The following YTHDC1 variants were observed in gnomAD, a reference collection of about 807,000 sequenced individuals.
YTHDC1 encodes the protein YTH N6-methyladenosine RNA binding protein C1, also known as YTH domain-containing protein 1.
A neutral mutation model predicts 107.0 loss-of-function variants in YTHDC1; 12 were observed. The ratio of observed to expected loss-of-function variants is 0.11; its 90% CI spans 0.07 to 0.18. YTHDC1 has a LOEUF of 0.18. Ranked by LOEUF, YTHDC1 falls within the 10% of genes least tolerant of loss-of-function variation. The pLI, the probability that YTHDC1 is intolerant of heterozygous loss-of-function variation, is 1.00. For synonymous variants in YTHDC1, 280 were observed against 289.5 expected, an observed-to-expected ratio of 0.97 and a Z score of 0.33; for missense variants, 635 against 898.8, an observed-to-expected ratio of 0.71 and a Z score of 3.75.
intron 1 of YTHDC1, 96 bp downstream of exon 1, chr4:68,349,630 A>AGCCCCCCC: frequency 2.3e-4 from 35 of 153,356 alleles, no homozygotes; most frequent in South Asian, 3.6e-4. Flanking sequence ...TAACCTCCCC[A>AGCCCCCCC]ACCCCCACCC....
At chr4:68,325,170 T>C (rs1722853573) in intron 9 of YTHDC1, among the ~76,000 whole-genome samples, 1 of 152,162 alleles carries the variant, frequency 6.6e-6, no homozygotes, top group Non-Finnish European at 1.5e-5. Flanking sequence ...ACGAGAAAGA[T>C]AAGAGTTTGC....
At chr4:68,349,637 A>AAC in intron 1 of YTHDC1, 89 bp downstream of exon 1, 1 of 124,940 alleles carries the variant, frequency 8.0e-6, no homozygotes, top group Non-Finnish European at 1.6e-5. Flanking sequence ...CCCAACCCCC[A>AAC]CCCCCCACCC....
At chr4:68,345,443 T>C (rs573327455) in intron 1 of YTHDC1, among the ~76,000 whole-genome samples, 1 of 152,260 alleles carries the variant, frequency 6.6e-6, no homozygotes, top group African/African-American at 2.4e-5. Context: ...TTAGTGGGAC[T>C]TGGCAATGGA....
intron 16 of YTHDC1, among the ~76,000 whole-genome samples, chr4:68,315,007 T>C (rs1402497456): frequency 6.6e-6 from 1 of 152,160 alleles, no homozygotes; most frequent in African/African-American, 2.4e-5. Flanking sequence ...GTAGAGAATA[T>C]GTATACTAAC....
chr4:68,324,784 AATTT>A (rs1385668490), intron 9 of YTHDC1, among the ~76,000 whole-genome samples: 4 of 152,290 alleles, frequency 2.6e-5, no homozygotes, highest in Admixed American at 1.3e-4. Flanking sequence ...TACAATAGAT[AATTT>A]ATTTATAAAT....
intron 16 of YTHDC1, among the ~76,000 whole-genome samples, chr4:68,314,710 T>C (rs779807750): frequency 1.4e-4 from 22 of 152,246 alleles, no homozygotes; most frequent in Non-Finnish European, 2.6e-4. Flanking sequence ...ATGTCATCAA[T>C]GTTTTTCTGG....
chr4:68,348,101 A>C lies in YTHDC1; in HGVS notation c.28+1625T>G, dbSNP rs954512631. On this transcript the variant is annotated intron_variant, in intron 1 of 16. Transcript: ENST00000344157. ...CACTACTTCCCAGTAATAGCTACACAGTTTATGTATTTGGACTGCATTATC... is the reference window on the plus strand; with the variant it reads ...CACTACTTCCCAGTAATAGCTACACCGTTTATGTATTTGGACTGCATTATC... Among the ~76,000 whole-genome samples, 38 of 152,362 alleles carry C rather than the reference A, an allele frequency of 2.5e-4. 1 individual carries two copies. Among genetic ancestry groups the C allele is most frequent in the Admixed American group, 2.1e-3 (32 of 15,312 alleles).
chr4:68,330,694 C>G (rs376404034), intron 7 of YTHDC1, among the ~76,000 whole-genome samples: 2 of 152,080 alleles, frequency 1.3e-5, no homozygotes, highest in African/African-American at 2.4e-5. Context: ...TCTTGCAAAA[C>G]CGTACCTGAT....
At chr4:68,316,600 T>G in intron 15 of YTHDC1, 152 bp from the exon 16 acceptor site, 1 of 869,900 alleles carries the variant, frequency 1.1e-6, no homozygotes, top group Non-Finnish European at 1.7e-6. Flanking sequence ...AAAATATGCT[T>G]TTTGTCGAAA....
intron 1 of YTHDC1, among the ~76,000 whole-genome samples, chr4:68,339,782 AC>A (rs1041019812): frequency 1.3e-5 from 2 of 152,284 alleles, no homozygotes; most frequent in East Asian, 1.9e-4. Context: ...AATAAAAAAA[AC>A]ATTTAGAGCC....
intron 1 of YTHDC1, among the ~76,000 whole-genome samples, chr4:68,347,116 GAAC>G (rs1238600416): frequency 6.6e-6 from 1 of 152,160 alleles, no homozygotes; most frequent in Non-Finnish European, 1.5e-5. Context: ...AGAACCCAGT[GAAC>G]AAGACAGATG....
intron 4 of YTHDC1, 68 bp downstream of exon 4, chr4:68,336,959 A>C: frequency 6.6e-7 from 1 of 1,511,756 alleles, no homozygotes; most frequent in Non-Finnish European, 8.8e-7. Context: ...TTTATAATTT[A>C]AACATTTTCA....
intron 11 of YTHDC1, among the ~76,000 whole-genome samples, chr4:68,320,425 C>G (rs1163798594): frequency 1.3e-5 from 2 of 152,024 alleles, no homozygotes; most frequent in Non-Finnish European, 2.9e-5. Context: ...ATATTCTCTG[C>G]CAACTCATGC....
chr4:68,333,765 T>TATTA (rs1431893040), intron 4 of YTHDC1, among the ~76,000 whole-genome samples: 2 of 152,140 alleles, frequency 1.3e-5, no homozygotes, highest in African/African-American at 4.8e-5. Flanking sequence ...AACACTGTCT[T>TATTA]AAGTCCTTAT....
chr4:68,333,148 A>C (rs540377728), intron 5 of YTHDC1, among the ~76,000 whole-genome samples, 160 bp downstream of exon 5: 1 of 152,186 alleles, frequency 6.6e-6, no homozygotes, highest in African/African-American at 2.4e-5. Flanking sequence ...GATTAAAATA[A>C]TAAGAAAAAG....
chr4:68,347,910 G>C (rs1725627807), intron 1 of YTHDC1, among the ~76,000 whole-genome samples: 1 of 152,096 alleles, frequency 6.6e-6, no homozygotes, highest in Non-Finnish European at 1.5e-5. Flanking sequence ...CTAGTTCTCC[G>C]TGTAGTCCAG....
chr4:68,314,182 T>C lies in YTHDC1; in HGVS notation c.2101A>G (p.Arg701Gly). 6.2e-7 allele frequency: 1 copy of C among 1,613,732 alleles called. No individual in the cohort carries two copies. The highest frequency in any genetic ancestry group is 8.5e-7 in the Non-Finnish European group (1 of 1,179,808). ...RDNRRDRERD[R>G]GRDRERERER... is the part of the protein sequence containing the mutation. The stretch of plus-strand genomic sequence containing the variant: ...CTTTCTCTTTCTCTATCACGTCCTC[T>C]ATCTCGCTCTCTGTCTCGTCTGTTA... The change falls in exon 17 of 17, where the codon AGA (arginine) becomes GGA (glycine). Residue 701 changes from arginine (R) to glycine (G), a missense_variant. By Grantham distance (125) the Arg-to-Gly change is moderately radical (BLOSUM62 -2). Coordinates refer to ENST00000344157, the MANE Select transcript of YTHDC1 (RefSeq NM_001031732.4).
chr4:68,313,400 G>C lies in YTHDC1; in HGVS notation c.*699C>G, dbSNP rs1472724831. The C allele has an allele frequency of 6.6e-6, 1 of 152,572 alleles. No individual in the cohort carries two copies. The highest frequency in any genetic ancestry group is 1.5e-5 in the Non-Finnish European group (1 of 68,032). 9.5% of individuals were successfully genotyped at this position (152,572 alleles called of 1,614,324 possible). ...GGAATCGTCTTCCGCTGCCACGCAC[G>C]CAAGTTGTGAACATTCCAAGCCAAT... On this transcript the variant is annotated 3_prime_UTR_variant, in exon 17 of 17. Transcript: ENST00000344157.
At position 68,324,059 on chromosome 4, in the gene YTHDC1, T is replaced by C. The variant is rs949120677; in HGVS notation, c.1434+80A>G. The C allele has an allele frequency of 7.6e-6, 10 of 1,310,028 alleles. No individual in the cohort carries two copies. The African/African-American group carries it at 8.9e-5, about 12-fold the overall frequency. 81.2% of individuals were successfully genotyped at this position (1,310,028 alleles called of 1,614,324 possible). Reference sequence around the variant, plus strand: ...ACGTGGTCTCTTTCATCAGAAACGGTTAAAACGAATACATCAATAAAGATC... The same window carrying C: ...ACGTGGTCTCTTTCATCAGAAACGGCTAAAACGAATACATCAATAAAGATC... On this transcript the variant is annotated intron_variant, in intron 10 of 16. Transcript: ENST00000344157.
Sources: allele counts gnomAD v4.1 joint callset (sites outside exome capture counted in the v4.1 genomes callset), GRCh38; gene constraint gnomAD v4.1.1; transcripts MANE v1.5; gene names NCBI Gene and HGNC (gene_info 2026-07-23, HGNC 2026-07-21).